The following TGFB3 variants were observed in gnomAD, a reference collection of about 807,000 sequenced individuals.
The protein encoded by TGFB3 is transforming growth factor beta-3 proprotein.
Under a neutral mutation model 40.1 loss-of-function variants are expected in TGFB3, and 5 were observed. That is an observed-to-expected ratio of 0.12 (90% CI 0.07 to 0.26). The LOEUF is 0.26. TGFB3 is among the 10% of genes least tolerant of loss of function. The pLI, the probability that TGFB3 is intolerant of heterozygous loss-of-function variation, is 1.00. For synonymous variants in TGFB3, 184 were observed against 205.6 expected (o/e 0.89, Z 0.90); for missense variants, 373 against 530.1 (o/e 0.70, Z 2.91).
chr14:75,962,700 A>G (rs2035171760), intron 5 of TGFB3, among the ~76,000 whole-genome samples: 1 of 152,198 alleles, frequency 6.6e-6, no homozygotes, highest in Non-Finnish European at 1.5e-5. Context: ...GGGCGTGATC[A>G]TCTTCTCCCT....
At chr14:75,967,873 GA>G (rs1234819746) in intron 3 of TGFB3, among the ~76,000 whole-genome samples, 1 of 152,150 alleles carries the variant, frequency 6.6e-6, no homozygotes, top group Non-Finnish European at 1.5e-5. Flanking sequence ...TAGAGACAAG[GA>G]GGGGTAAAGA....
intron 1 of TGFB3, among the ~76,000 whole-genome samples, chr14:75,975,317 G>A (rs1324948210): frequency 1.3e-5 from 2 of 152,140 alleles, no homozygotes; most frequent in Admixed American, 1.3e-4. Flanking sequence ...ACAGTGAGCC[G>A]AGATTGCACC....
In TGFB3 at chr14:75,979,216, C is replaced by T. The variant is rs1307024198; in HGVS notation, c.352+1326G>A. Among the ~76,000 whole-genome samples, 1 of 152,188 alleles carries T rather than the reference C, an allele frequency of 6.6e-6. No homozygotes were observed. Among genetic ancestry groups the T allele is most frequent in the African/African-American group, 2.4e-5 (1 of 41,452 alleles). ...AGTAACCACAGGCTCCTCTGCCTGG[C>T]GTGGAGCCGTGAACGGGGCCTTTGC... On this transcript the variant is annotated intron_variant, in intron 1 of 6. Transcript: ENST00000238682. The surrounding 1 kb of genome is among the most constrained non-coding windows in gnomAD (Gnocchi z 4.8).
Position 75,959,308 on chromosome 14 carries a change from G to T in TGFB3, c.1118C>A (p.Ser373Tyr). ...CTGGGGCACGCAGCAAGGCGAGGCAGATGCTTCAGGGTTCAGAGTGTTGTA... is the reference window on the plus strand; with the variant it reads ...CTGGGGCACGCAGCAAGGCGAGGCATATGCTTCAGGGTTCAGAGTGTTGTA... The part of the protein sequence containing the change: ...GLYNTLNPEA[S>Y]ASPCCVPQDL... The change falls in exon 7 of 7, where the codon TCT becomes TAT. Residue 373 changes from serine (S) to tyrosine (Y), a missense_variant. Ser to Tyr is a moderately radical substitution (Grantham distance 144). Coordinates refer to ENST00000238682, the MANE Select transcript of TGFB3 (RefSeq NM_003239.5). 6.2e-7 allele frequency: 1 copy of T among 1,614,192 alleles called. No homozygotes were observed. Among genetic ancestry groups the T allele is most frequent in the Non-Finnish European group, 8.5e-7 (1 of 1,180,016 alleles).
intron 4 of TGFB3, among the ~76,000 whole-genome samples, chr14:75,965,380 A>C (rs1435229758): frequency 6.6e-6 from 1 of 152,214 alleles, no homozygotes; most frequent in African/African-American, 2.4e-5. Flanking sequence ...TGTCTTCCAG[A>C]GGCTAATGCA....
rs957593543 is a variant in TGFB3 at position 75,979,874 on chromosome 14, T to C, written c.352+668A>G. ...AATCTGTCTACTGCACAAGACTGCA[T>C]GTCACCCTAAAGTACACGGCCCTGG... On this transcript the variant is annotated intron_variant, in intron 1 of 6. Transcript: ENST00000238682. This position sits in a 1 kb window ranked among gnomAD's most constrained non-coding sequence, Gnocchi z 4.8. 6.6e-6 allele frequency among the ~76,000 whole-genome samples: 1 copy of C among 152,304 alleles called. No individual in the cohort carries two copies. The highest frequency in any genetic ancestry group is 2.4e-5 in the African/African-American group (1 of 41,564).
Position 75,959,138 on chromosome 14 carries a change from G to C in TGFB3, c.*49C>G. 6.2e-7 allele frequency: 1 copy of C among 1,612,902 alleles called. No individual in the cohort carries two copies. The highest frequency in any genetic ancestry group is 2.2e-5 in the East Asian group (1 of 44,866). On this transcript the variant is annotated 3_prime_UTR_variant, in exon 7 of 7. Transcript: ENST00000238682. ...TTGTGTGTTTCCCGAGGAGCGGGCA[G>C]TCAGGCAGTGGTGGTTCTCTCTCCC... is the stretch of plus-strand genomic sequence containing the variant.
At position 75,980,947 on chromosome 14, in the gene TGFB3, C is replaced by A; in HGVS notation, c.-54G>T. 1 of 1,535,458 alleles carries A rather than the reference C, an allele frequency of 6.5e-7. No homozygotes were observed. The highest frequency in any genetic ancestry group is 9.0e-7 in the Non-Finnish European group (1 of 1,112,212). ...ACGGCAAGGCCTGGAGAGGAAGAGA[C>A]CCCAGCAGACGTGCAGAAGGAGGGA... On this transcript the variant is annotated 5_prime_UTR_variant, in exon 1 of 7. Coordinates refer to ENST00000238682, the MANE Select transcript of TGFB3 (RefSeq NM_003239.5). This position sits in a 1 kb window ranked among gnomAD's most constrained non-coding sequence, Gnocchi z 4.3.
At chr14:75,965,920 A>G (rs1466221817) in intron 3 of TGFB3, 3 of 566,246 alleles carry the variant, frequency 5.3e-6, no homozygotes, top group African/African-American at 1.9e-5. Context: ...TGAATCACCA[A>G]ATGGGGGCAT....
In TGFB3 at chr14:75,980,916, A is replaced by G. The variant is rs777194708; in HGVS notation, c.-23T>C. On this transcript the variant is annotated 5_prime_UTR_variant, in exon 1 of 7. Transcript: ENST00000238682. The surrounding 1 kb of genome is among the most constrained non-coding windows in gnomAD (Gnocchi z 4.3). ...CATGTGTGAGCTGGGAAGAGAGGCC[A>G]GGGGGACGGCAAGGCCTGGAGAGGA... 2 of 1,608,664 alleles carry G rather than the reference A, an allele frequency of 1.2e-6. No homozygotes were observed. The highest frequency in any genetic ancestry group is 2.2e-5 in the South Asian group (2 of 90,956).
intron 3 of TGFB3, among the ~76,000 whole-genome samples, chr14:75,967,313 G>A (rs2035231789): frequency 6.6e-6 from 1 of 152,192 alleles, no homozygotes; most frequent in African/African-American, 2.4e-5. Flanking sequence ...GAAGATCTCT[G>A]TTCCAGCAGG....
chr14:75,964,774 T>C (rs776675398), intron 4 of TGFB3, among the ~76,000 whole-genome samples: 1 of 152,164 alleles, frequency 6.6e-6, no homozygotes, highest in Non-Finnish European at 1.5e-5. Context: ...TCCTCTGGGC[T>C]CTAAGGTTCT....
At chr14:75,963,874 A>T (rs920059692) in intron 4 of TGFB3, among the ~76,000 whole-genome samples, 1 of 151,478 alleles carries the variant, frequency 6.6e-6, no homozygotes, top group Non-Finnish European at 1.5e-5. Flanking sequence ...CGGCTTGTTT[A>T]TTTGTTTGTT....
At chr14:75,967,553 G>C (rs2035234397) in intron 3 of TGFB3, among the ~76,000 whole-genome samples, 1 of 152,236 alleles carries the variant, frequency 6.6e-6, no homozygotes, top group Non-Finnish European at 1.5e-5. Flanking sequence ...CCATGATTCT[G>C]TGAGTTAGAA....
rs2035290633 is a variant in TGFB3, at chr14:75,971,435, G to T, written c.516+120C>A. 1.3e-6 allele frequency: 2 copies of T among 1,536,708 alleles called. No homozygotes were observed. The highest frequency in any genetic ancestry group is 1.4e-5 in the African/African-American group (1 of 72,944). Reference sequence around the variant, plus strand: ...TGACAGACACAGATACGGAAACGAAGGCTCAGAGAAGCCAGGATTCAAACC... The same window carrying T: ...TGACAGACACAGATACGGAAACGAATGCTCAGAGAAGCCAGGATTCAAACC... On this transcript the variant is annotated intron_variant, in intron 2 of 6. Coordinates refer to ENST00000238682, the MANE Select transcript of TGFB3 (RefSeq NM_003239.5). The surrounding 1 kb of genome is among the most constrained non-coding windows in gnomAD (Gnocchi z 4.5).
In TGFB3 at chr14:75,980,441, G is replaced by A. The variant is rs2035410680; in HGVS notation, c.352+101C>T. 8.1e-7 allele frequency: 1 copy of A among 1,234,582 alleles called. No homozygotes were observed. Among genetic ancestry groups the A allele is most frequent in the Non-Finnish European group, 1.2e-6 (1 of 840,304 alleles). The allele number at this position is 1,234,582 out of a possible 1,614,324, so 76.5% of individuals were successfully genotyped here. A position where few individuals can be genotyped will look rare whatever the true frequency, so the allele number is the denominator to read the frequency against. ...GAGCCTTGGTGCTGGTGAATCCTGGGGCACCCTGCTGTGTGGCCAGCACTA... is the reference window on the plus strand; with the variant it reads ...GAGCCTTGGTGCTGGTGAATCCTGGAGCACCCTGCTGTGTGGCCAGCACTA... On this transcript the variant is annotated intron_variant, in intron 1 of 6. Coordinates refer to ENST00000238682, the MANE Select transcript of TGFB3 (RefSeq NM_003239.5). The surrounding 1 kb of genome is among the most constrained non-coding windows in gnomAD (Gnocchi z 4.3).
intron 3 of TGFB3, chr14:75,966,596 TC>T (rs2035224374): frequency 6.6e-6 from 1 of 152,090 alleles, no homozygotes; most frequent in Non-Finnish European, 1.5e-5. Flanking sequence ...TGGCTGAGGG[TC>T]CAGATGACTT....
At chr14:75,963,989 G>A (rs964389626) in intron 4 of TGFB3, among the ~76,000 whole-genome samples, 1 of 152,170 alleles carries the variant, frequency 6.6e-6, no homozygotes, top group Non-Finnish European at 1.5e-5. Context: ...AGATTCTCCT[G>A]CCTCAGCCTC....
Position 75,959,359 on chromosome 14 carries a change from TGTC to T in TGFB3, c.1081-17_1081-15del, listed in dbSNP as rs2035125647. On this transcript the variant is annotated splice_polypyrimidine_tract_variant and intron_variant, in intron 6 of 6. Transcript: ENST00000238682. The stretch of plus-strand genomic sequence containing the variant: ...CAGTCCCAGCACCTGGGAAGGGACA[TGTC>T]AGTGAGAGGTTGGAAGGCCAAGTCT... 2 of 1,613,790 alleles carry T rather than the reference TGTC, an allele frequency of 1.2e-6. No homozygotes were observed. Among genetic ancestry groups the T allele is most frequent in the Non-Finnish European group, 1.7e-6 (2 of 1,179,842 alleles).
Sources: allele counts gnomAD v4.1 joint callset (sites outside exome capture counted in the v4.1 genomes callset), GRCh38; gene constraint gnomAD v4.1.1; non-coding constraint Gnocchi (gnomAD v3.1); transcripts MANE v1.5; gene names NCBI Gene and HGNC (gene_info 2026-07-23, HGNC 2026-07-21).